Variants in THBS4 observed in about 807,000 individuals in gnomAD.
The protein encoded by THBS4 is thrombospondin-4.
In THBS4, 90 loss-of-function variants were observed where a neutral mutation model predicts 115.7. The ratio of observed to expected loss-of-function variants is 0.78; its 90% CI spans 0.66 to 0.93. The LOEUF is 0.93. Among genes scored for constraint, THBS4 ranks in the 40% least tolerant of loss-of-function variants. The pLI, the probability that THBS4 is intolerant of heterozygous loss-of-function variation, is 0.00. For missense variants in THBS4, 1,087 were observed against 1,232.7 expected (o/e 0.88, Z 1.77); for synonymous variants, 460 against 479.3 (o/e 0.96, Z 0.53).
chr5:80,046,279 C>T (rs982766000), intron 2 of THBS4, among the ~76,000 whole-genome samples: 2 of 152,142 alleles, frequency 1.3e-5, no homozygotes, highest in African/African-American at 4.8e-5. Flanking sequence ...AGCAGAAAAA[C>T]GCCCACTCTC....
chr5:80,074,033 T>C (rs1257778427), intron 15 of THBS4, among the ~76,000 whole-genome samples: 1 of 152,190 alleles, frequency 6.6e-6, no homozygotes, highest in East Asian at 1.9e-4. Context: ...AGGATGACAA[T>C]AGATCTAGCT....
chr5:80,050,210 A>G (rs1236590172), intron 2 of THBS4, among the ~76,000 whole-genome samples: 2 of 152,164 alleles, frequency 1.3e-5, no homozygotes, highest in Admixed American at 6.5e-5. Context: ...TTATCAAGAC[A>G]GGGGAATTGC....
intron 1 of THBS4, among the ~76,000 whole-genome samples, chr5:79,992,473 C>T (rs1831701871): frequency 1.3e-5 from 2 of 152,134 alleles, no homozygotes; most frequent in South Asian, 4.1e-4. Context: ...AATTACAGTG[C>T]CAGCCTGCTA....
upstream of THBS4, among the ~76,000 whole-genome samples, chr5:80,031,261 G>A (rs1484679059): frequency 6.6e-6 from 1 of 152,084 alleles, no homozygotes; most frequent in Non-Finnish European, 1.5e-5. Flanking sequence ...CATGGGCTAG[G>A]GCTTACTGTT....
chr5:80,007,546 C>T (rs1277281688), intron 2 of THBS4, among the ~76,000 whole-genome samples: 1 of 152,234 alleles, frequency 6.6e-6, no homozygotes, highest in Admixed American at 6.5e-5. Flanking sequence ...CCATGTGTGT[C>T]CTGTCTGCAG....
At chr5:80,016,900 T>C (rs1482809021) in intron 2 of THBS4, among the ~76,000 whole-genome samples, 1 of 152,206 alleles carries the variant, frequency 6.6e-6, no homozygotes. Flanking sequence ...GCAAAAGAGT[T>C]TCCACTTCCC....
In THBS4 at chr5:80,028,059, T is replaced by A. The variant is rs530629603; in HGVS notation, n.178-12018T>A. Among the ~76,000 whole-genome samples, 6 of 152,228 alleles carry A rather than the reference T, an allele frequency of 3.9e-5. No homozygotes were observed. The South Asian group carries it at 1.0e-3, about 26-fold the overall frequency. ...TACAGACAAACTTCTTAAAAGTTAA[T>A]CTGTCCTTAGCAGGGCACAGTAGTG... is the stretch of plus-strand genomic sequence containing the variant. On this transcript the variant is annotated intron_variant and non_coding_transcript_variant, in intron 2 of 3. Coordinates refer to the THBS4 transcript ENST00000510218.
chr5:80,038,597 G>A (rs1426289654), intron 1 of THBS4, among the ~76,000 whole-genome samples: 1 of 151,874 alleles, frequency 6.6e-6, no homozygotes, highest in Non-Finnish European at 1.5e-5. Flanking sequence ...GACAGTTAAT[G>A]TTTTCATAGC....
rs1432886921 is a variant in THBS4, at chr5:80,078,100, T to A, written c.2138T>A (p.Ile713Asn). The change falls in exon 17 of 22, where the codon ATC becomes AAC. Residue 713 changes from isoleucine (I) to asparagine (N), a missense_variant. Transcript: ENST00000350881. ...CESDFDQDQV[I>N]DRIDVCPENA... is the part of the protein sequence containing the mutation. Reference sequence around the variant, plus strand: ...TCTGACTTTGACCAGGACCAGGTCATCGATCGGATCGACGTCTGCCCAGAG... The same window carrying A: ...TCTGACTTTGACCAGGACCAGGTCAACGATCGGATCGACGTCTGCCCAGAG... 6.2e-7 allele frequency: 1 copy of A among 1,610,054 alleles called. No homozygotes were observed. Among genetic ancestry groups the A allele is most frequent in the Non-Finnish European group, 8.5e-7 (1 of 1,177,482 alleles).
chr5:80,058,118 A>G (rs926919592), intron 3 of THBS4, 88 bp from the exon 4 acceptor site: 1 of 974,176 alleles, frequency 1.0e-6, no homozygotes, highest in Non-Finnish European at 1.6e-6. Context: ...ATACAGGACT[A>G]CTTGATTATG....
At chr5:80,039,451 A>G (rs1456659074) in intron 1 of THBS4, among the ~76,000 whole-genome samples, 1 of 152,258 alleles carries the variant, frequency 6.6e-6, no homozygotes, top group South Asian at 2.1e-4. Context: ...GACAGAAACC[A>G]CATCATTTTG....
intron 2 of THBS4, among the ~76,000 whole-genome samples, chr5:80,000,309 C>T (rs1185770304): frequency 1.3e-5 from 2 of 152,172 alleles, no homozygotes; most frequent in East Asian, 1.9e-4. Context: ...AAGAACAGAA[C>T]TTTTATTGCT....
intron 2 of THBS4, among the ~76,000 whole-genome samples, chr5:80,050,960 G>C (rs572521394): frequency 6.6e-6 from 1 of 152,178 alleles, no homozygotes; most frequent in African/African-American, 2.4e-5. Context: ...TGGTCGAGTC[G>C]GGAGGTGGGA....
intron 21 of THBS4, 84 bp from the exon 22 acceptor site, chr5:80,082,996 C>T: frequency 7.8e-7 from 1 of 1,282,016 alleles, no homozygotes; most frequent in East Asian, 2.3e-5. Context: ...GCGCCCCCTA[C>T]AGGACGCCTG....
chr5:80,083,127 C>T lies in THBS4; in HGVS notation c.2872C>T (p.Arg958Cys), dbSNP rs775041341. 3 of 1,613,578 alleles carry T rather than the reference C, an allele frequency of 1.9e-6. No individual in the cohort carries two copies. Among genetic ancestry groups the T allele is most frequent in the East Asian group, 2.2e-5 (1 of 44,900 alleles). ...FQEFQTQNFDRFDN is the reference protein window; with the variant it reads ...FQEFQTQNFDCFDN The stretch of plus-strand genomic sequence containing the variant: ...AGAGTTTCAAACCCAGAATTTCGAC[C>T]GCTTCGATAATTAAACCAAGGAAGC... Residue 958 changes from arginine (R) to cysteine (C), a missense_variant, in exon 22 of 22, where the codon CGC becomes TGC. By Grantham distance (180) the Arg-to-Cys change is radical. Transcript: ENST00000350881.
chr5:80,065,404 A>C lies in THBS4; in HGVS notation c.1126-5A>C, dbSNP rs769099496. ...CTAAACTTTCTTTGAACTTTTCTGC[A>C]CTAGGTCTGCACTGACATTGATGAG... On this transcript the variant is annotated splice_polypyrimidine_tract_variant and splice_region_variant and intron_variant, in intron 8 of 21. Coordinates refer to ENST00000350881, the MANE Select transcript of THBS4 (RefSeq NM_003248.6). 2 of 1,609,790 alleles carry C rather than the reference A, an allele frequency of 1.2e-6. No individual in the cohort carries two copies.
chr5:80,011,690 G>A (rs544620562), intron 2 of THBS4, among the ~76,000 whole-genome samples: 7 of 152,230 alleles, frequency 4.6e-5, no homozygotes, highest in African/African-American at 1.7e-4. Context: ...TTCAGAATGA[G>A]CCAGGGACAA....
chr5:80,024,854 T>C (rs385771), intron 2 of THBS4, among the ~76,000 whole-genome samples: 35,429 of 152,106 alleles, frequency 0.23, 4,536 homozygotes, highest in African/African-American at 0.34. Flanking sequence ...ATGCATTGAT[T>C]AGACATTCAC....
chr5:80,005,814 T>C (rs1227833167), intron 2 of THBS4, among the ~76,000 whole-genome samples: 1 of 147,034 alleles, frequency 6.8e-6, no homozygotes, highest in African/African-American at 2.6e-5. Flanking sequence ...TCGCCCAGGC[T>C]GGAGTGCAGT....
Sources: allele counts gnomAD v4.1 joint callset (sites outside exome capture counted in the v4.1 genomes callset), GRCh38; gene constraint gnomAD v4.1.1; transcripts MANE v1.5; gene names NCBI Gene and HGNC (gene_info 2026-07-23, HGNC 2026-07-21).